TMEM229B: variants seen among roughly 807,000 people sequenced by gnomAD.
TMEM229B encodes the protein transmembrane protein 229B.
TMEM229B carries 6 observed loss-of-function variants against 13.7 expected under a neutral mutation model. The ratio of observed to expected loss-of-function variants is 0.44; its 90% confidence interval spans 0.24 to 0.86. The LOEUF (loss-of-function observed/expected upper bound fraction) is 0.86. TMEM229B is among the 40% of genes least tolerant of loss of function. The probability of loss-of-function intolerance (pLI) is 0.23; values close to 1 mark genes in which losing one functional copy is unlikely to be tolerated. For synonymous variants in TMEM229B, 107 were observed against 102.1 expected (o/e 1.05, Z -0.29); for missense variants, 170 against 236.0 (o/e 0.72, Z 1.83).
chr14:67,483,146 G>A lies in TMEM229B; in HGVS notation c.-19+3854C>T, dbSNP rs1408860035. 1.3e-5 allele frequency among the ~76,000 whole-genome samples: 2 copies of A among 152,196 alleles called. 1 individual carries two copies. The highest frequency in any genetic ancestry group is 4.2e-4 in the South Asian group (2 of 4,816). On this transcript the variant is annotated intron_variant, in intron 2 of 2. Transcript: ENST00000554480. Reference sequence around the variant, plus strand: ...ATGCCTCAGCCTCCCAAGAGGCTGGGATTATAGGTTCCTGCCACCACACCC... The same window carrying A: ...ATGCCTCAGCCTCCCAAGAGGCTGGAATTATAGGTTCCTGCCACCACACCC...
At position 67,523,129 on chromosome 14, in the gene TMEM229B, C is replaced by T. The variant is rs2033314662; in HGVS notation, c.-192+10507G>A. Among the ~76,000 whole-genome samples, 4 of 152,066 alleles carry T rather than the reference C, an allele frequency of 2.6e-5. No homozygotes were observed. The South Asian group carries it at 8.3e-4, about 32-fold the overall frequency. ...CACGAGGTCAGGAGTTCAAGACCAG[C>T]CTGGCCAACATGGTGAAACCCTGTC... On this transcript the variant is annotated intron_variant, in intron 1 of 2. Transcript: ENST00000554278.
intron 1 of TMEM229B, among the ~76,000 whole-genome samples, chr14:67,502,889 A>T (rs1370527716): frequency 6.6e-6 from 1 of 152,170 alleles, no homozygotes; most frequent in Admixed American, 6.5e-5. Context: ...ATGTATTAAG[A>T]TTTACAAAAC....
intron 1 of TMEM229B, among the ~76,000 whole-genome samples, chr14:67,505,182 C>A (rs2032773304): frequency 6.6e-6 from 1 of 152,102 alleles, no homozygotes; most frequent in Admixed American, 6.6e-5. Flanking sequence ...GGGCCCCTCT[C>A]TCAAGCTGAG....
chr14:67,509,600 T>C (rs2032958422), intron 1 of TMEM229B, among the ~76,000 whole-genome samples: 1 of 152,196 alleles, frequency 6.6e-6, no homozygotes, highest in Admixed American at 6.5e-5. Flanking sequence ...ATTACAGGCA[T>C]GAGCCACCGC....
At chr14:67,479,383 C>A (rs1053827814) in intron 2 of TMEM229B, among the ~76,000 whole-genome samples, 1 of 149,228 alleles carries the variant, frequency 6.7e-6, no homozygotes, top group Non-Finnish European at 1.5e-5. Flanking sequence ...TGCACTCCAG[C>A]CTGGGCTACA....
intron 2 of TMEM229B, among the ~76,000 whole-genome samples, chr14:67,484,401 T>C (rs2031757626): frequency 6.6e-6 from 1 of 152,238 alleles, no homozygotes; most frequent in African/African-American, 2.4e-5. Flanking sequence ...TCTTCCCTCC[T>C]TTCTTGAGAA....
At chr14:67,484,440 G>A (rs2031758442) in intron 2 of TMEM229B, among the ~76,000 whole-genome samples, 1 of 152,132 alleles carries the variant, frequency 6.6e-6, no homozygotes, top group African/African-American at 2.4e-5. Context: ...TTTAATTCTA[G>A]CATTTAATTT....
chr14:67,482,466 G>A (rs891825198), intron 2 of TMEM229B, among the ~76,000 whole-genome samples: 9 of 152,220 alleles, frequency 5.9e-5, no homozygotes, highest in African/African-American at 2.2e-4. Flanking sequence ...CCATGCAACC[G>A]GGCTGGGAAG....
At chr14:67,478,126 C>T (rs1367694519) in intron 2 of TMEM229B, among the ~76,000 whole-genome samples, 4 of 152,270 alleles carry the variant, frequency 2.6e-5, no homozygotes, top group African/African-American at 9.6e-5. Context: ...CTGTGGTTGG[C>T]AGACGGCTGG....
chr14:67,508,753 CA>C lies in TMEM229B; in HGVS notation c.-192+6332del, dbSNP rs757183130. On this transcript the variant is annotated intron_variant, in intron 1 of 2. Coordinates refer to the TMEM229B transcript ENST00000357461. ...TGGGTGACAGAGCAAAACCTTGTCT[CA>C]AAAAAAAAAAAAAAAAACAGAAGAC... Among the ~76,000 whole-genome samples the C allele has an allele frequency of 3.4e-3, 161 of 46,726 alleles. 6 individuals are homozygous for C. The highest frequency in any genetic ancestry group is 7.9e-3 in the African/African-American group (121 of 15,250). The allele number at this position is 46,726 out of a possible 152,430, so 30.7% of individuals were successfully genotyped here.
intron 2 of TMEM229B, among the ~76,000 whole-genome samples, chr14:67,477,121 G>A (rs1454627278): frequency 2.0e-5 from 3 of 150,366 alleles, no homozygotes; most frequent in African/African-American, 4.9e-5. Context: ...AGTCGCGATC[G>A]CACCATTGCA....
intron 1 of TMEM229B, among the ~76,000 whole-genome samples, chr14:67,523,582 C>T (rs536067531): frequency 5.6e-4 from 85 of 152,284 alleles, no homozygotes; most frequent in African/African-American, 1.8e-3. Flanking sequence ...TACACCTCCA[C>T]GCAGAGGAAG....
At chr14:67,514,716 C>T (rs1008853905) in intron 1 of TMEM229B, among the ~76,000 whole-genome samples, 27 of 152,056 alleles carry the variant, frequency 1.8e-4, no homozygotes, top group African/African-American at 6.3e-4. Context: ...GCTCTCCGCC[C>T]GGAAGAAGAG....
rs962352670 is a variant in TMEM229B at position 67,474,477 on chromosome 14, A to G, written c.-18-536T>C. On this transcript the variant is annotated intron_variant, in intron 2 of 2. Transcript: ENST00000554480. ...TTCTCAGCAGGCCTATCCACTGGGG[A>G]CCCCATTTCTTCCTCCACTTCTTCT... Among the ~76,000 whole-genome samples, 12 of 152,040 alleles carry G rather than the reference A, an allele frequency of 7.9e-5. No individual in the cohort carries two copies. The East Asian group carries it at 2.3e-3, about 29-fold the overall frequency.
At chr14:67,506,915 C>G (rs10140925) in intron 1 of TMEM229B, among the ~76,000 whole-genome samples, 1 of 151,848 alleles carries the variant, frequency 6.6e-6, no homozygotes, top group Non-Finnish European at 1.5e-5. Flanking sequence ...ACACAGGAGG[C>G]AAAGGTTGCA....
At chr14:67,484,736 C>T (rs1045757214) in intron 2 of TMEM229B, among the ~76,000 whole-genome samples, 2 of 151,662 alleles carry the variant, frequency 1.3e-5, no homozygotes, top group African/African-American at 4.8e-5. Flanking sequence ...CCAGCCTGGG[C>T]AACATAGTGA....
At chr14:67,520,042 T>G (rs553649318), upstream of TMEM229B, among the ~76,000 whole-genome samples, 1 of 152,242 alleles carries the variant, frequency 6.6e-6, no homozygotes, top group East Asian at 1.9e-4. Flanking sequence ...TTTTTTACAG[T>G]GGTTTTAGGT....
intron 2 of TMEM229B, among the ~76,000 whole-genome samples, chr14:67,484,616 C>T (rs1362680351): frequency 6.6e-6 from 1 of 152,042 alleles, no homozygotes; most frequent in African/African-American, 2.4e-5. Context: ...AAAGCCAATC[C>T]ATGCATCATA....
intron 2 of TMEM229B, among the ~76,000 whole-genome samples, chr14:67,483,528 G>C (rs769676584): frequency 6.6e-5 from 10 of 152,216 alleles, no homozygotes; most frequent in Non-Finnish European, 1.2e-4. Context: ...TGAACTTCTA[G>C]GTGGTTCATT....
Sources: gnomAD v4.1 joint callset for allele counts (sites outside exome capture counted in the v4.1 genomes callset) on GRCh38, gnomAD v4.1.1 for gene constraint, MANE v1.5 for transcripts, NCBI Gene and HGNC (gene_info 2026-07-23, HGNC 2026-07-21) for gene names.